Variants in PIGK observed in about 807,000 individuals in gnomAD.
The protein encoded by PIGK is phosphatidylinositol glycan anchor biosynthesis class K, also known as GPI-anchor transamidase.
A neutral mutation model predicts 50.6 loss-of-function variants in PIGK; 42 were observed. The ratio of observed to expected loss-of-function variants is 0.83; its 90% CI spans 0.65 to 1.07. The LOEUF (loss-of-function observed/expected upper bound fraction) is 1.07, where lower values mean the gene tolerates loss of function less well. Ranked by LOEUF, PIGK falls within the 50% of genes least tolerant of loss-of-function variation. The pLI is 0.00. For missense variants in PIGK, 448 were observed against 488.7 expected (o/e 0.92, Z 0.78); for synonymous variants, 151 against 156.0 (o/e 0.97, Z 0.24).
At chr1:77,144,120 C>T (rs1266061453) in intron 9 of PIGK, among the ~76,000 whole-genome samples, 1 of 151,912 alleles carries the variant, frequency 6.6e-6, no homozygotes, top group Non-Finnish European at 1.5e-5. Context: ...TTATTGATTC[C>T]AATGACTTTG....
At chr1:77,206,112 G>C (rs1570263599) in intron 3 of PIGK, among the ~76,000 whole-genome samples, 1 of 152,034 alleles carries the variant, frequency 6.6e-6, no homozygotes, top group Admixed American at 6.6e-5. Flanking sequence ...GTTTCAAAAG[G>C]AAACAAACAG....
At chr1:77,180,411 T>A (rs2100568587) in intron 3 of PIGK, among the ~76,000 whole-genome samples, 1 of 152,296 alleles carries the variant, frequency 6.6e-6, no homozygotes, top group South Asian at 2.1e-4. Flanking sequence ...CACATACATA[T>A]ACATCTACTT....
intron 9 of PIGK, among the ~76,000 whole-genome samples, chr1:77,144,837 T>C (rs1408150689): frequency 6.6e-6 from 1 of 151,938 alleles, no homozygotes; most frequent in East Asian, 1.9e-4. Context: ...ACGAATCACA[T>C]CTAATTTCTG....
intron 9 of PIGK, among the ~76,000 whole-genome samples, chr1:77,135,899 A>G (rs1654499213): frequency 6.6e-6 from 1 of 152,130 alleles, no homozygotes; most frequent in African/African-American, 2.4e-5. Context: ...CTTACTCCCC[A>G]AATAATTATT....
intron 10 of PIGK, 132 bp downstream of exon 10, chr1:77,122,143 T>C: frequency 1.8e-6 from 1 of 566,772 alleles, no homozygotes; most frequent in Admixed American, 3.2e-5. Flanking sequence ...ATAGGGGTAG[T>C]CTAAATAGGG....
intron 9 of PIGK, among the ~76,000 whole-genome samples, chr1:77,130,518 C>T (rs74092428): frequency 0.11 from 17,179 of 151,924 alleles, 1,329 homozygotes; most frequent in African/African-American, 0.21. Flanking sequence ...ACACATATAT[C>T]GTTATGCATG....
At chr1:77,216,839 C>T (rs927578059) in intron 1 of PIGK, among the ~76,000 whole-genome samples, 2 of 152,074 alleles carry the variant, frequency 1.3e-5, no homozygotes, top group African/African-American at 4.8e-5. Flanking sequence ...CTCTAATGTG[C>T]CTTCCACCTC....
intron 9 of PIGK, among the ~76,000 whole-genome samples, chr1:77,151,862 C>T (rs1654899766): frequency 6.6e-6 from 1 of 152,086 alleles, no homozygotes; most frequent in South Asian, 2.1e-4. Context: ...AATGGAAAGA[C>T]ATCCCATGCT....
In PIGK at chr1:77,186,364, T is replaced by C. The variant is rs557586460; in HGVS notation, c.240-16969A>G. On this transcript the variant is annotated intron_variant, in intron 3 of 10. Coordinates refer to ENST00000370812, the MANE Select transcript of PIGK (RefSeq NM_005482.3). ...GGAAATCTCCCCAGTGGGCAGAACTTCGAGCAGTGCACCTGGTTGTGCACT... is the reference window on the plus strand; with the variant it reads ...GGAAATCTCCCCAGTGGGCAGAACTCCGAGCAGTGCACCTGGTTGTGCACT... Among the ~76,000 whole-genome samples, 121 of 152,334 alleles carry C rather than the reference T, an allele frequency of 7.9e-4. 2 individuals carry two copies. In the South Asian group the frequency reaches 0.02, roughly 25 times the overall value.
intron 9 of PIGK, chr1:77,129,582 G>C: frequency 6.7e-7 from 1 of 1,503,378 alleles, no homozygotes; most frequent in South Asian, 1.1e-5. Flanking sequence ...GGAACAGATT[G>C]TTCCTAAACC....
chr1:77,202,386 G>T (rs1242027724), intron 3 of PIGK, among the ~76,000 whole-genome samples: 1 of 152,144 alleles, frequency 6.6e-6, no homozygotes, highest in Admixed American at 6.6e-5. Context: ...AAGCTTTAGG[G>T]AATTCATGGA....
intron 3 of PIGK, among the ~76,000 whole-genome samples, chr1:77,195,562 G>C (rs1271906756): frequency 5.3e-5 from 8 of 152,178 alleles, no homozygotes; most frequent in Non-Finnish European, 1.0e-4. Flanking sequence ...AGTAGTTCTA[G>C]ATATATCAAC....
intron 9 of PIGK, among the ~76,000 whole-genome samples, chr1:77,146,137 A>T (rs1373828219): frequency 1.3e-5 from 2 of 152,120 alleles, no homozygotes; most frequent in Non-Finnish European, 2.9e-5. Flanking sequence ...GGATGTCCAT[A>T]TGGAAAAAAA....
At chr1:77,129,137 G>A (rs749183713) in intron 9 of PIGK, 19 of 1,422,958 alleles carry the variant, frequency 1.3e-5, no homozygotes, top group African/African-American at 2.8e-5. Context: ...CACTTGACCC[G>A]GAGAACCCCA....
At chr1:77,154,301 A>C in intron 9 of PIGK, 148 bp downstream of exon 9, 1 of 591,730 alleles carries the variant, frequency 1.7e-6, no homozygotes, top group Non-Finnish European at 3.0e-6. Context: ...AAATCTGAAA[A>C]GCATACAGCC....
intron 9 of PIGK, among the ~76,000 whole-genome samples, chr1:77,151,249 T>C (rs532720380): frequency 6.6e-6 from 1 of 152,252 alleles, no homozygotes; most frequent in Admixed American, 6.5e-5. Context: ...ACAAAATCCA[T>C]ATGATAATTT....
At chr1:77,096,699 T>G (rs1260304060) in intron 10 of PIGK, among the ~76,000 whole-genome samples, 1 of 152,112 alleles carries the variant, frequency 6.6e-6, no homozygotes, top group Non-Finnish European at 1.5e-5. Context: ...ACTTGCAGAA[T>G]TGTGAGCTAA....
intron 3 of PIGK, among the ~76,000 whole-genome samples, chr1:77,189,668 G>A (rs1170353093): frequency 7.2e-6 from 1 of 138,180 alleles, no homozygotes; most frequent in East Asian, 2.1e-4. Flanking sequence ...GTGGGACCTT[G>A]TGATTGTGTG....
intron 4 of PIGK, among the ~76,000 whole-genome samples, chr1:77,168,610 G>C (rs1476179219): frequency 8.4e-6 from 1 of 118,506 alleles, no homozygotes; most frequent in African/African-American, 4.8e-5. Flanking sequence ...TACAGTCTAG[G>C]AGGAGATAGA....
Sources: allele counts gnomAD v4.1 joint callset (sites outside exome capture counted in the v4.1 genomes callset), GRCh38; gene constraint gnomAD v4.1.1; transcripts MANE v1.5; gene names NCBI Gene and HGNC (gene_info 2026-07-23, HGNC 2026-07-21).